The following UPF2 variants were observed in gnomAD, a reference collection of about 807,000 sequenced individuals.
The protein encoded by UPF2 is UPF2 regulator of nonsense mediated mRNA decay, also known as regulator of nonsense transcripts 2.
A neutral mutation model predicts 141.4 loss-of-function variants in UPF2; 17 were observed. That is an observed-to-expected ratio of 0.12 (90% CI 0.08 to 0.18). The LOEUF (loss-of-function observed/expected upper bound fraction) is 0.18. Ranked by LOEUF, UPF2 falls within the 10% of genes least tolerant of loss-of-function variation. The pLI is 1.00. For synonymous variants in UPF2, 540 were observed against 498.0 expected, an observed-to-expected ratio of 1.08 and a Z score of -1.12; for missense variants, 1,152 against 1,515.9, an observed-to-expected ratio of 0.76 and a Z score of 3.99.
intron 11 of UPF2, among the ~76,000 whole-genome samples, chr10:11,962,058 C>T (rs1833249567): frequency 6.6e-6 from 1 of 152,100 alleles, no homozygotes; most frequent in South Asian, 2.1e-4. Flanking sequence ...ATGACCACAC[C>T]CTATAAGTTC....
Position 12,029,348 on chromosome 10 carries a change from A to G in UPF2, c.542T>C (p.Ile181Thr). The G allele has an allele frequency of 6.2e-7, 1 of 1,614,166 alleles. No individual in the cohort carries two copies. Among genetic ancestry groups the G allele is most frequent in the Non-Finnish European group, 8.5e-7 (1 of 1,180,034 alleles). Reference sequence around the variant, plus strand: ...CAAGGAGTCTCTCTGTTGTTCTGTAATAGTTTTTAGTTTCTTGACAAAAGC... The same window carrying G: ...CAAGGAGTCTCTCTGTTGTTCTGTAGTAGTTTTTAGTTTCTTGACAAAAGC... ...NTAFVKKLKT[I>T]TEQQRDSLSH... The change falls in exon 3 of 22, where the codon ATT becomes ACT. Residue 181 changes from isoleucine to threonine, a missense_variant. Physicochemically the swap from Ile to Thr is moderately conservative, Grantham distance 89. Coordinates refer to ENST00000357604, the MANE Select transcript of UPF2 (RefSeq NM_015542.4).
chr10:12,037,257 T>G (rs996037409), intron 1 of UPF2, among the ~76,000 whole-genome samples: 14 of 151,992 alleles, frequency 9.2e-5, no homozygotes, highest in Non-Finnish European at 1.9e-4. Context: ...GGTAATTGTA[T>G]TTTTAGTAGA....
rs192123116 is a variant in UPF2 at position 12,000,553 on chromosome 10, G to A, written c.1655-544C>T. 1.6e-4 allele frequency among the ~76,000 whole-genome samples: 24 copies of A among 152,286 alleles called. No homozygotes were observed. In the East Asian group the frequency reaches 3.3e-3, roughly 21 times the overall value. On this transcript the variant is annotated intron_variant, in intron 6 of 21. Transcript: ENST00000357604. ...CCAGGGCCTTGGGAGGCTGAGGCAGGGGGATCACTTGAGGCCAGGAGTCCA... is the reference window on the plus strand; with the variant it reads ...CCAGGGCCTTGGGAGGCTGAGGCAGAGGGATCACTTGAGGCCAGGAGTCCA...
At chr10:11,965,987 C>A (rs568828684) in intron 10 of UPF2, among the ~76,000 whole-genome samples, 1 of 152,206 alleles carries the variant, frequency 6.6e-6, no homozygotes, top group African/African-American at 2.4e-5. Flanking sequence ...TCCATCTATT[C>A]TCCACCAGCT....
chr10:12,036,008 G>A (rs1834619164), intron 1 of UPF2: 1 of 152,168 alleles, frequency 6.6e-6, no homozygotes, highest in Non-Finnish European at 1.5e-5. Context: ...CAAACTTTCA[G>A]ATACAAAAAC....
intron 21 of UPF2, among the ~76,000 whole-genome samples, chr10:11,923,648 C>G (rs1174387814): frequency 6.8e-6 from 1 of 146,406 alleles, no homozygotes; most frequent in Non-Finnish European, 1.5e-5. Flanking sequence ...CCACTGCACT[C>G]CGATATAGCG....
chr10:12,026,018 TC>T (rs1216911927), intron 3 of UPF2, among the ~76,000 whole-genome samples: 2 of 152,182 alleles, frequency 1.3e-5, no homozygotes, highest in Non-Finnish European at 2.9e-5. Context: ...AGTCTCAAAC[TC>T]CTGGGCTCAA....
intron 2 of UPF2, among the ~76,000 whole-genome samples, chr10:12,031,723 T>A (rs1834527675): frequency 6.6e-6 from 1 of 151,720 alleles, no homozygotes; most frequent in Admixed American, 6.6e-5. Context: ...CTGCAGTGAG[T>A]CATGATCACA....
At chr10:11,975,386 G>A (rs960812079) in intron 9 of UPF2, among the ~76,000 whole-genome samples, 7 of 152,164 alleles carry the variant, frequency 4.6e-5, no homozygotes, top group African/African-American at 9.7e-5. Flanking sequence ...AGACTGCTAC[G>A]TTAACATACT....
intron 3 of UPF2, among the ~76,000 whole-genome samples, chr10:12,015,388 C>A (rs963940897): frequency 7.2e-5 from 11 of 152,180 alleles, no homozygotes; most frequent in Non-Finnish European, 1.5e-4. Context: ...TTTCTACTCA[C>A]ATAAGCTTTT....
At chr10:12,025,461 G>C (rs756050716) in intron 3 of UPF2, among the ~76,000 whole-genome samples, 1 of 152,096 alleles carries the variant, frequency 6.6e-6, no homozygotes, top group Non-Finnish European at 1.5e-5. Flanking sequence ...TGAGGTAGGA[G>C]AATTGCTTTA....
intron 14 of UPF2, 150 bp downstream of exon 14, chr10:11,955,082 T>C: frequency 1.4e-6 from 1 of 737,504 alleles, no homozygotes; most frequent in Non-Finnish European, 1.9e-6. Flanking sequence ...ATCTTTAAAT[T>C]TCCAAAAGCA....
chr10:11,987,761 C>CAAAAAAA (rs572687103), intron 8 of UPF2, among the ~76,000 whole-genome samples: 7 of 54,158 alleles, frequency 1.3e-4, no homozygotes, highest in South Asian at 1.2e-3. Flanking sequence ...GACTCTGCCT[C>CAAAAAAA]AAAAAAAAAA....
chr10:12,031,681 CG>C (rs1304444941), intron 2 of UPF2, among the ~76,000 whole-genome samples: 20 of 151,880 alleles, frequency 1.3e-4, no homozygotes, highest in Admixed American at 1.1e-3. Context: ...GAGGCTGAGA[CG>C]GGGGGATCGC....
intron 1 of UPF2, among the ~76,000 whole-genome samples, chr10:12,040,451 A>T (rs1219498847): frequency 6.6e-6 from 1 of 152,140 alleles, no homozygotes; most frequent in African/African-American, 2.4e-5. Context: ...AACAAAACAA[A>T]AAAAAGGATT....
At chr10:11,972,613 ATGAG>A (rs772921298) in intron 9 of UPF2, among the ~76,000 whole-genome samples, 1 of 152,050 alleles carries the variant, frequency 6.6e-6, no homozygotes, top group Non-Finnish European at 1.5e-5. Flanking sequence ...ATTCCCACCT[ATGAG>A]TGAGAACATG....
intron 18 of UPF2, among the ~76,000 whole-genome samples, chr10:11,937,845 T>C (rs960821361): frequency 9.9e-5 from 15 of 152,242 alleles, no homozygotes; most frequent in Non-Finnish European, 1.6e-4. Context: ...CATAATCTGC[T>C]TGAAGTCTTC....
Position 12,001,712 on chromosome 10 carries a change from C to A in UPF2, c.1618G>T (p.Ala540Ser). ...DTLELEGGDE[A>S]EDLTKKLLDE... ...AGAAGTTTCTTTGTAAGATCTTCAG[C>A]TTCATCTCCACCCTCTAATTCTAAG... The change falls in exon 6 of 22, where the codon GCT becomes TCT. Residue 540 changes from alanine to serine, a missense_variant. Transcript: ENST00000357604. The A allele has an allele frequency of 6.2e-7, 1 of 1,606,682 alleles. No homozygotes were observed. The highest frequency in any genetic ancestry group is 8.5e-7 in the Non-Finnish European group (1 of 1,178,126).
chr10:11,921,393 C>T lies in UPF2; in HGVS notation c.3810-86G>A. 3 of 1,550,916 alleles carry T rather than the reference C, an allele frequency of 1.9e-6. No homozygotes were observed. Among genetic ancestry groups the T allele is most frequent in the East Asian group, 2.2e-5 (1 of 44,556 alleles). On this transcript the variant is annotated intron_variant, in intron 21 of 21. Transcript: ENST00000357604. The surrounding 1 kb of genome is among the most constrained non-coding windows in gnomAD (Gnocchi z 5.9). Reference sequence around the variant, plus strand: ...ATGGCGTCTGCAACGCTACCCACCACCACCAAGTCACTCCCCCAAGTTACA... The same window carrying T: ...ATGGCGTCTGCAACGCTACCCACCATCACCAAGTCACTCCCCCAAGTTACA...
Sources: gnomAD v4.1 joint callset for allele counts (sites outside exome capture counted in the v4.1 genomes callset) on GRCh38, gnomAD v4.1.1 for gene constraint, Gnocchi (gnomAD v3.1) non-coding constraint, MANE v1.5 for transcripts, NCBI Gene and HGNC (gene_info 2026-07-23, HGNC 2026-07-21) for gene names.